The following HECW2 variants were observed in gnomAD, a reference collection of about 807,000 sequenced individuals.
HECW2 encodes E3 ubiquitin-protein ligase HECW2.
Under a neutral mutation model 175.2 loss-of-function variants are expected in HECW2, and 61 were observed. The observed-to-expected ratio is 0.35, with a 90% CI of 0.28 to 0.43. The LOEUF (loss-of-function observed/expected upper bound fraction) is 0.43, where lower values mean the gene tolerates loss of function less well. HECW2 is among the 20% of genes least tolerant of loss of function. The probability of loss-of-function intolerance (pLI) is 1.00; values close to 1 mark genes in which losing one functional copy is unlikely to be tolerated. For synonymous variants in HECW2, 671 were observed against 731.0 expected, an observed-to-expected ratio of 0.92 and a Z score of 1.32; for missense variants, 1,524 against 2,000.5, an observed-to-expected ratio of 0.76 and a Z score of 4.54.
intron 19 of HECW2, among the ~76,000 whole-genome samples, chr2:196,250,951 C>T (rs1400486878): frequency 6.6e-6 from 1 of 152,216 alleles, no homozygotes; most frequent in East Asian, 1.9e-4. Context: ...TAACCTATTA[C>T]TTCACAGAAC....
chr2:196,246,036 T>C (rs1688630813), intron 19 of HECW2, among the ~76,000 whole-genome samples: 1 of 152,204 alleles, frequency 6.6e-6, no homozygotes, highest in Non-Finnish European at 1.5e-5. Context: ...ACTATTCCCT[T>C]ATAAGAAGGT....
At chr2:196,486,950 A>C (rs1171597686) in intron 1 of HECW2, among the ~76,000 whole-genome samples, 3 of 152,114 alleles carry the variant, frequency 2.0e-5, no homozygotes, top group Non-Finnish European at 2.9e-5. Flanking sequence ...CCTGGGCAAC[A>C]TAGTGAGACG....
In HECW2 at chr2:196,204,638, G is replaced by A. The variant is rs1301038698; in HGVS notation, c.4608-3250C>T. On this transcript the variant is annotated intron_variant, in intron 28 of 28. Transcript: ENST00000644978. The stretch of plus-strand genomic sequence containing the variant: ...AGACCCAGCTAAGCTGTGCCTGGAT[G>A]CCTGCTCCATGAAAACAGTGAGATC... Among the ~76,000 whole-genome samples, 5 of 152,328 alleles carry A rather than the reference G, an allele frequency of 3.3e-5. No individual in the cohort carries two copies. In the South Asian group the frequency reaches 8.3e-4, roughly 25 times the overall value.
chr2:196,367,354 G>A (rs1247654374), intron 2 of HECW2, among the ~76,000 whole-genome samples: 3 of 152,118 alleles, frequency 2.0e-5, no homozygotes, highest in Admixed American at 6.5e-5. Context: ...ATTTTTAATT[G>A]TTGTGGGTAC....
At chr2:196,256,203 CAT>C (rs765878667) in intron 18 of HECW2, among the ~76,000 whole-genome samples, 13 of 152,108 alleles carry the variant, frequency 8.5e-5, no homozygotes, top group Non-Finnish European at 1.5e-4. Context: ...ATAATAAACA[CAT>C]GTGATCACCC....
chr2:196,439,624 G>C (rs993924136), intron 1 of HECW2, among the ~76,000 whole-genome samples: 1 of 152,128 alleles, frequency 6.6e-6, no homozygotes, highest in Non-Finnish European at 1.5e-5. Flanking sequence ...AGCCAGCGAC[G>C]GGACAGTGTA....
chr2:196,310,275 A>G (rs1296922562), intron 10 of HECW2, among the ~76,000 whole-genome samples: 2 of 152,252 alleles, frequency 1.3e-5, no homozygotes, highest in Non-Finnish European at 2.9e-5. Context: ...AACACTGAAC[A>G]CATATTAAAA....
Position 196,284,016 on chromosome 2 carries a change from C to T in HECW2, c.3001-5354G>A, listed in dbSNP as rs77366986. Reference sequence around the variant, plus strand: ...CCCCACCTCTCTGCTTTTCATACATCATCTCCTTTTTTCCATTCTGCTTTC... The same window carrying T: ...CCCCACCTCTCTGCTTTTCATACATTATCTCCTTTTTTCCATTCTGCTTTC... On this transcript the variant is annotated intron_variant, in intron 14 of 28. Coordinates refer to ENST00000644978, the MANE Select transcript of HECW2 (RefSeq NM_001348768.2). 2.3e-3 allele frequency among the ~76,000 whole-genome samples: 352 copies of T among 152,290 alleles called. 1 individual carries two copies. Among genetic ancestry groups the T allele is most frequent in the African/African-American group, 8.0e-3 (333 of 41,550 alleles).
intron 2 of HECW2, among the ~76,000 whole-genome samples, chr2:196,354,569 T>C (rs1026717471): frequency 6.6e-6 from 1 of 152,226 alleles, no homozygotes; most frequent in Admixed American, 6.5e-5. Context: ...TTATATGATA[T>C]TAATTGAATA....
In HECW2 at chr2:196,472,539, T is replaced by C. The variant is rs150401046; in HGVS notation, c.-35-39081A>G. 8.6e-3 allele frequency among the ~76,000 whole-genome samples: 1,203 copies of C among 140,494 alleles called. 5 individuals are homozygous for C. The highest frequency in any genetic ancestry group is 0.013 in the Non-Finnish European group (814 of 64,248). 92.2% of individuals were successfully genotyped at this position (140,494 alleles called of 152,430 possible). A position where few individuals can be genotyped will look rare whatever the true frequency, so the allele number is the denominator to read the frequency against. On this transcript the variant is annotated intron_variant, in intron 1 of 28. Transcript: ENST00000644978. ...TAACTCACTGTTTAGGACCCAAACA[T>C]AGGTCTATAGTTACATGGAAATTTA...
chr2:196,556,570 T>C lies in HECW2; in HGVS notation c.-36+36938A>G, dbSNP rs144957065. On this transcript the variant is annotated intron_variant, in intron 1 of 28. Coordinates refer to ENST00000644978, the MANE Select transcript of HECW2 (RefSeq NM_001348768.2). ...GCCTGGCATATTTCACTTAGCATCA[T>C]GTCCTTATTAAGGTCAATTTCCTAC... Among the ~76,000 whole-genome samples, 302 of 152,346 alleles carry C rather than the reference T, an allele frequency of 2.0e-3. 2 individuals carry two copies. Among genetic ancestry groups the C allele is most frequent in the African/African-American group, 6.7e-3 (277 of 41,586 alleles).
chr2:196,291,422 A>T (rs889396091), intron 14 of HECW2: 4 of 152,184 alleles, frequency 2.6e-5, no homozygotes, highest in Non-Finnish European at 5.9e-5. Context: ...CCTGTCTCTG[A>T]GACATGAATG....
At chr2:196,580,654 C>CAAA (rs56875271) in intron 1 of HECW2, among the ~76,000 whole-genome samples, 1 of 91,970 alleles carries the variant, frequency 1.1e-5, no homozygotes, top group Admixed American at 1.2e-4. Context: ...GCTACAATGG[C>CAAA]AAAAAAAAAA....
intron 21 of HECW2, among the ~76,000 whole-genome samples, chr2:196,233,912 T>C (rs1688146507): frequency 1.3e-5 from 2 of 152,180 alleles, no homozygotes; most frequent in South Asian, 2.1e-4. Context: ...TGAAGAAAAC[T>C]CCTTCAGATC....
intron 28 of HECW2, among the ~76,000 whole-genome samples, chr2:196,205,736 G>A (rs140432149): frequency 6.6e-6 from 1 of 152,204 alleles, no homozygotes; most frequent in East Asian, 1.9e-4. Context: ...GAAGGTTTGG[G>A]GTGGGCCTGG....
At chr2:196,322,156 A>G (rs548085637) in intron 7 of HECW2, among the ~76,000 whole-genome samples, 3 of 152,190 alleles carry the variant, frequency 2.0e-5, no homozygotes, top group Non-Finnish European at 4.4e-5. Context: ...CATCAACCTG[A>G]TCCAAGAATT....
chr2:196,582,325 T>G (rs1311702364), intron 1 of HECW2, among the ~76,000 whole-genome samples: 1 of 152,176 alleles, frequency 6.6e-6, no homozygotes, highest in Non-Finnish European at 1.5e-5. Flanking sequence ...ACTTCTCTTC[T>G]AGCACAAGAA....
At chr2:196,458,087 T>C (rs1240283702) in intron 1 of HECW2, among the ~76,000 whole-genome samples, 1 of 151,150 alleles carries the variant, frequency 6.6e-6, no homozygotes, top group African/African-American at 2.4e-5. Context: ...CTGGGTAACA[T>C]AGTGAGACCC....
At chr2:196,386,951 G>GTATAA (rs1359940634) in intron 2 of HECW2, among the ~76,000 whole-genome samples, 1 of 152,128 alleles carries the variant, frequency 6.6e-6, no homozygotes, top group African/African-American at 2.4e-5. Context: ...CTTATAACAA[G>GTATAA]GCTATAATAC....
Sources: gnomAD v4.1 joint callset for allele counts (sites outside exome capture counted in the v4.1 genomes callset) on GRCh38, gnomAD v4.1.1 for gene constraint, MANE v1.5 for transcripts, NCBI Gene and HGNC (gene_info 2026-07-23, HGNC 2026-07-21) for gene names.